Variants in SYT1 observed in about 807,000 individuals in gnomAD.
SYT1 encodes the protein synaptotagmin 1, also known as synaptotagmin-1.
A neutral mutation model predicts 44.8 loss-of-function variants in SYT1; 8 were observed. The observed-to-expected ratio is 0.18, with a 90% CI of 0.10 to 0.32. SYT1 has a LOEUF of 0.32. Ranked by LOEUF, SYT1 falls within the 10% of genes least tolerant of loss-of-function variation. The pLI, the probability that SYT1 is intolerant of heterozygous loss-of-function variation, is 1.00. For synonymous variants in SYT1, 154 were observed against 188.8 expected (o/e 0.82, Z 1.51); for missense variants, 286 against 509.3 (o/e 0.56, Z 4.22).
intron 1 of SYT1, among the ~76,000 whole-genome samples, chr12:78,966,095 T>C (rs956873728): frequency 6.7e-6 from 1 of 150,108 alleles, no homozygotes; most frequent in South Asian, 2.1e-4. Context: ...AAAAAAAAAA[T>C]TATTGAATAA....
chr12:79,144,082 C>A (rs1429808534), intron 3 of SYT1, among the ~76,000 whole-genome samples: 4 of 152,150 alleles, frequency 2.6e-5, no homozygotes, highest in African/African-American at 9.7e-5. Context: ...GCACATCCAT[C>A]CTCACCTCCT....
chr12:79,347,721 A>G (rs1178646141), intron 8 of SYT1, among the ~76,000 whole-genome samples: 1 of 152,218 alleles, frequency 6.6e-6, no homozygotes, highest in Non-Finnish European at 1.5e-5. Flanking sequence ...GGAACACAGC[A>G]GTAAGAAAAA....
chr12:79,326,304 C>T (rs180954375), intron 8 of SYT1, among the ~76,000 whole-genome samples: 48 of 152,274 alleles, frequency 3.2e-4, no homozygotes, highest in Admixed American at 1.5e-3. Flanking sequence ...AATATTAACA[C>T]GCCTTTGTGA....
intron 1 of SYT1, among the ~76,000 whole-genome samples, chr12:78,926,150 T>TCTG (rs951732771): frequency 6.6e-6 from 1 of 152,082 alleles, no homozygotes; most frequent in African/African-American, 2.4e-5. Flanking sequence ...CTGAGGCATG[T>TCTG]CTGAAGAAAT....
chr12:79,097,593 A>G (rs1465527706), intron 3 of SYT1, among the ~76,000 whole-genome samples: 7 of 151,876 alleles, frequency 4.6e-5, no homozygotes, highest in Non-Finnish European at 1.5e-5. Context: ...TAATCTTTGA[A>G]AGTCCCTCTA....
In SYT1 at chr12:79,412,613, C is replaced by T. The variant is rs147174778; in HGVS notation, c.929-31460C>T. Among the ~76,000 whole-genome samples the T allele has an allele frequency of 4.7e-3, 712 of 152,250 alleles. 2 individuals carry two copies. Among genetic ancestry groups the T allele is most frequent in the African/African-American group, 0.012 (513 of 41,552 alleles). ...CTGCTCATGTCTGACCAGCCACCTA[C>T]TGTAACACTATTGTTAATCATTTTG... On this transcript the variant is annotated intron_variant, in intron 9 of 10. Transcript: ENST00000261205.
At chr12:79,002,902 C>G (rs1870835141) in intron 2 of SYT1, among the ~76,000 whole-genome samples, 1 of 151,994 alleles carries the variant, frequency 6.6e-6, no homozygotes, top group Non-Finnish European at 1.5e-5. Context: ...AAAATGAGTA[C>G]AAGGATCTTT....
At chr12:79,028,108 G>A (rs983867638) in intron 2 of SYT1, among the ~76,000 whole-genome samples, 2 of 151,438 alleles carry the variant, frequency 1.3e-5, no homozygotes, top group African/African-American at 2.4e-5. Flanking sequence ...GTAAAAACAC[G>A]TGGTTAATTT....
chr12:78,913,172 G>C (rs749207852), intron 1 of SYT1, among the ~76,000 whole-genome samples: 5 of 151,318 alleles, frequency 3.3e-5, no homozygotes, highest in Non-Finnish European at 5.9e-5. Context: ...GTTCTTCATA[G>C]ATATGTTTTA....
chr12:79,028,468 T>A (rs1872654942), intron 2 of SYT1, among the ~76,000 whole-genome samples: 1 of 151,352 alleles, frequency 6.6e-6, no homozygotes, highest in Admixed American at 6.6e-5. Flanking sequence ...AATTAGAGCC[T>A]GTATATTCGT....
At chr12:79,125,834 C>T (rs1868403385) in intron 3 of SYT1, among the ~76,000 whole-genome samples, 1 of 152,160 alleles carries the variant, frequency 6.6e-6, no homozygotes, top group Non-Finnish European at 1.5e-5. Context: ...ACAAAGGCCT[C>T]CTTATCAAAG....
chr12:78,980,022 A>G (rs555790278), intron 2 of SYT1, among the ~76,000 whole-genome samples: 50 of 152,278 alleles, frequency 3.3e-4, no homozygotes, highest in African/African-American at 1.1e-3. Context: ...TAATACAACT[A>G]AATTGAATTC....
intron 3 of SYT1, among the ~76,000 whole-genome samples, chr12:79,072,689 G>T (rs1047086504): frequency 2.6e-5 from 4 of 152,098 alleles, no homozygotes; most frequent in African/African-American, 9.7e-5. Context: ...GACAGCAAGA[G>T]ACTCTATTTA....
chr12:78,986,314 T>C (rs1224192943), intron 2 of SYT1, among the ~76,000 whole-genome samples: 1 of 151,052 alleles, frequency 6.6e-6, no homozygotes, highest in Non-Finnish European at 1.5e-5. Context: ...TGTAGATCTC[T>C]GATGCCTTAG....
At chr12:79,207,094 C>A (rs923436644) in intron 3 of SYT1, among the ~76,000 whole-genome samples, 2 of 152,188 alleles carry the variant, frequency 1.3e-5, no homozygotes, top group African/African-American at 4.8e-5. Context: ...CCTTTTCATG[C>A]CAAACAGTGT....
chr12:79,041,051 G>C (rs1360630549), intron 2 of SYT1, among the ~76,000 whole-genome samples: 1 of 152,104 alleles, frequency 6.6e-6, no homozygotes, highest in East Asian at 1.9e-4. Flanking sequence ...TTGAAGTCAG[G>C]TAGTGTGATG....
At chr12:79,345,768 A>G (rs1882581111) in intron 8 of SYT1, among the ~76,000 whole-genome samples, 1 of 152,212 alleles carries the variant, frequency 6.6e-6, no homozygotes, top group African/African-American at 2.4e-5. Context: ...AAAGCCACAT[A>G]TTATCTTATT....
At chr12:78,901,299 T>C (rs1055968619) in intron 1 of SYT1, among the ~76,000 whole-genome samples, 4 of 152,096 alleles carry the variant, frequency 2.6e-5, no homozygotes, top group East Asian at 1.9e-4. Context: ...AAAAAGAAAG[T>C]CTTCTTCCAT....
rs180884380 is a variant in SYT1 at position 79,274,660 on chromosome 12, C to G, written c.167-11127C>G. 7.9e-4 allele frequency among the ~76,000 whole-genome samples: 120 copies of G among 152,236 alleles called. 1 individual carries two copies. The highest frequency in any genetic ancestry group is 2.7e-3 in the African/African-American group (114 of 41,542). ...TAGGGACTTTTGAGAGTTCGATGGC[C>G]CCACCCATCTCCTGGGATATCTGAG... On this transcript the variant is annotated intron_variant, in intron 4 of 10. Coordinates refer to ENST00000261205, the MANE Select transcript of SYT1 (RefSeq NM_005639.3).
Sources: allele counts gnomAD v4.1 joint callset (sites outside exome capture counted in the v4.1 genomes callset), GRCh38; gene constraint gnomAD v4.1.1; transcripts MANE v1.5; gene names NCBI Gene and HGNC (gene_info 2026-07-23, HGNC 2026-07-21).